The following SLC5A3 variants were observed in gnomAD, a reference collection of about 807,000 sequenced individuals.
SLC5A3 encodes sodium/myo-inositol cotransporter.
In SLC5A3, 10 loss-of-function variants were observed where a neutral mutation model predicts 43.2. That is an observed-to-expected ratio of 0.23 (90% CI 0.14 to 0.39). The LOEUF (loss-of-function observed/expected upper bound fraction) is 0.39. Ranked by LOEUF, SLC5A3 falls within the 10% of genes least tolerant of loss-of-function variation. The pLI is 1.00. For missense variants in SLC5A3, 608 were observed against 893.4 expected (o/e 0.68, Z 4.07); for synonymous variants, 349 against 322.0 (o/e 1.08, Z -0.90).
Position 34,076,141 on chromosome 21 carries a change from C to T in SLC5A3, c.-337+2396C>T, listed in dbSNP as rs16991164. 3.0e-3 allele frequency among the ~76,000 whole-genome samples: 450 copies of T among 152,238 alleles called. 17 individuals are homozygous for T. The East Asian group carries it at 0.073, about 25-fold the overall frequency. Reference sequence around the variant, plus strand: ...ATGCTGTGTTAGGCAACTTTAACAGCGGATATGGAAGTTAAGAAACTATAG... The same window carrying T: ...ATGCTGTGTTAGGCAACTTTAACAGTGGATATGGAAGTTAAGAAACTATAG... On this transcript the variant is annotated intron_variant, in intron 1 of 1. Coordinates refer to ENST00000381151, the MANE Select transcript of SLC5A3 (RefSeq NM_006933.7).
chr21:34,078,348 A>G (rs1989382767), intron 1 of SLC5A3, among the ~76,000 whole-genome samples: 1 of 152,212 alleles, frequency 6.6e-6, no homozygotes. Context: ...CTATTGAAGA[A>G]GGAAGGAGTC....
At position 34,101,089 on chromosome 21, in the gene SLC5A3, T is replaced by A; in HGVS notation, c.*3734T>A. 4 of 1,000,064 alleles carry A rather than the reference T, an allele frequency of 4.0e-6. No individual in the cohort carries two copies. Among genetic ancestry groups the A allele is most frequent in the Non-Finnish European group, 4.8e-6 (4 of 829,888 alleles). 61.9% of individuals were successfully genotyped at this position (1,000,064 alleles called of 1,614,324 possible). On this transcript the variant is annotated 3_prime_UTR_variant, in exon 2 of 2. Transcript: ENST00000381151. ...ACAAGACCTTTCCTGTTAAATTACG[T>A]GACTACAGAGACTTGCCAGGACAAA...
At position 34,100,946 on chromosome 21, in the gene SLC5A3, T is replaced by A; in HGVS notation, c.*3591T>A. Reference sequence around the variant, plus strand: ...TTGGCAGTGTTAAAGCTTACAGGGTTAACTTATGATGATTCTCCTGGCTCA... The same window carrying A: ...TTGGCAGTGTTAAAGCTTACAGGGTAAACTTATGATGATTCTCCTGGCTCA... On this transcript the variant is annotated 3_prime_UTR_variant, in exon 2 of 2. Transcript: ENST00000381151. 1 of 1,000,190 alleles carries A rather than the reference T, an allele frequency of 1.0e-6. No homozygotes were observed. Among genetic ancestry groups the A allele is most frequent in the Non-Finnish European group, 1.2e-6 (1 of 829,960 alleles). The allele number at this position is 1,000,190 out of a possible 1,614,324, so 62.0% of individuals were successfully genotyped here.
chr21:34,096,279 G>A lies in SLC5A3; in HGVS notation c.1081G>A (p.Val361Met), dbSNP rs776452170. 7.4e-6 allele frequency: 12 copies of A among 1,614,160 alleles called. No homozygotes were observed. Among genetic ancestry groups the A allele is most frequent in the Non-Finnish European group, 4.2e-6 (5 of 1,180,020 alleles). Reference sequence around the variant, plus strand: ...ACGCCTGGTGATGAAGCTGGTTCCTGTGGGCCTTCGGGGTTTAATGATGGC... The same window carrying A: ...ACGCCTGGTGATGAAGCTGGTTCCTATGGGCCTTCGGGGTTTAATGATGGC... Reference protein sequence around the residue: ...YPRLVMKLVPVGLRGLMMAVM... With the variant: ...YPRLVMKLVPMGLRGLMMAVM... The change falls in exon 2 of 2, where the codon GTG becomes ATG. Residue 361 changes from valine to methionine, a missense_variant. Physicochemically the swap from Val to Met is conservative, Grantham distance 21 (BLOSUM62 1). Transcript: ENST00000381151. The surrounding 1 kb of genome is among the most constrained non-coding windows in gnomAD (Gnocchi z 5.9).
In SLC5A3 at chr21:34,095,086, G is replaced by A. The variant is rs568295881; in HGVS notation, c.-113G>A. On this transcript the variant is annotated 5_prime_UTR_variant, in exon 2 of 2. Transcript: ENST00000381151. The stretch of plus-strand genomic sequence containing the variant: ...ACAAAGACTTTGACCCTGCTGTGTT[G>A]CTCTGTGTAGTCCAGTTCACGTATG... 7 of 1,387,474 alleles carry A rather than the reference G, an allele frequency of 5.0e-6. No homozygotes were observed. The African/African-American group carries it at 1.0e-4, about 20-fold the overall frequency. The allele number at this position is 1,387,474 out of a possible 1,614,324, so 85.9% of individuals were successfully genotyped here.
Position 34,100,493 on chromosome 21 carries a change from A to G in SLC5A3, c.*3138A>G. 1.0e-6 allele frequency: 1 copy of G among 1,000,228 alleles called. No individual in the cohort carries two copies. Among genetic ancestry groups the G allele is most frequent in the Non-Finnish European group, 1.2e-6 (1 of 829,976 alleles). 62.0% of individuals were successfully genotyped at this position (1,000,228 alleles called of 1,614,324 possible). A position where few individuals can be genotyped will look rare whatever the true frequency, so the allele number is the denominator to read the frequency against. ...GCAATGGTGCTGTGTCCTTCGGCCT[A>G]AATTCAATAGATCTCATCTCCTAGG... On this transcript the variant is annotated 3_prime_UTR_variant, in exon 2 of 2. Transcript: ENST00000381151.
At position 34,106,121 on chromosome 21, in the gene SLC5A3, A is replaced by T. The variant is rs1270052982; in HGVS notation, c.*8766A>T. The T allele has an allele frequency of 1.0e-6, 1 of 997,176 alleles. No homozygotes were observed. Among genetic ancestry groups the T allele is most frequent in the Non-Finnish European group, 1.2e-6 (1 of 827,262 alleles). 61.8% of individuals were successfully genotyped at this position (997,176 alleles called of 1,614,324 possible). On this transcript the variant is annotated 3_prime_UTR_variant, in exon 2 of 2. Transcript: ENST00000381151. ...AGCTGCTGCATTAGCCTTCAAAAGTATTTGGAAACTTAAGATGAACTACAT... is the reference window on the plus strand; with the variant it reads ...AGCTGCTGCATTAGCCTTCAAAAGTTTTTGGAAACTTAAGATGAACTACAT...
At chr21:34,086,610 A>T (rs1031406219) in intron 1 of SLC5A3, among the ~76,000 whole-genome samples, 4 of 152,028 alleles carry the variant, frequency 2.6e-5, no homozygotes, top group African/African-American at 9.7e-5. Context: ...AAGGATGTTC[A>T]TGAACTCCCT....
At chr21:34,085,240 C>T (rs1978326374) in intron 1 of SLC5A3, among the ~76,000 whole-genome samples, 1 of 152,062 alleles carries the variant, frequency 6.6e-6, no homozygotes, top group Non-Finnish European at 1.5e-5. Context: ...TTGCAGAAAC[C>T]CTCACTTTGG....
intron 1 of SLC5A3, among the ~76,000 whole-genome samples, chr21:34,075,547 A>G (rs1280432841): frequency 6.6e-6 from 1 of 152,224 alleles, no homozygotes; most frequent in African/African-American, 2.4e-5. Flanking sequence ...AGGGGGGCAA[A>G]AAAAAGAAAA....
Position 34,106,191 on chromosome 21 carries a change from T to C in SLC5A3, c.*8836T>C. The C allele has an allele frequency of 1.0e-6, 1 of 977,868 alleles. No homozygotes were observed. The highest frequency in any genetic ancestry group is 1.2e-6 in the Non-Finnish European group (1 of 809,672). The allele number at this position is 977,868 out of a possible 1,614,324, so 60.6% of individuals were successfully genotyped here. On this transcript the variant is annotated 3_prime_UTR_variant, in exon 2 of 2. Transcript: ENST00000381151. ...TTTCTGTGGTATTTTGTCCTGTAACTGAAGTATAGTAATTATTTTATGGAA... is the reference window on the plus strand; with the variant it reads ...TTTCTGTGGTATTTTGTCCTGTAACCGAAGTATAGTAATTATTTTATGGAA...
intron 1 of SLC5A3, among the ~76,000 whole-genome samples, chr21:34,083,572 A>G (rs764686264): frequency 6.6e-6 from 1 of 152,208 alleles, no homozygotes; most frequent in Non-Finnish European, 1.5e-5. Context: ...TGACCCAGTC[A>G]TGGGTTGTTT....
intron 1 of SLC5A3, among the ~76,000 whole-genome samples, chr21:34,090,037 C>G (rs1569415091): frequency 6.6e-6 from 1 of 152,104 alleles, no homozygotes; most frequent in Non-Finnish European, 1.5e-5. Context: ...CCAAAATGCT[C>G]CAGTGAGCAT....
chr21:34,090,901 A>G (rs1978651000), intron 1 of SLC5A3, among the ~76,000 whole-genome samples: 1 of 152,160 alleles, frequency 6.6e-6, no homozygotes, highest in Admixed American at 6.5e-5. Flanking sequence ...TAGATGTGGT[A>G]CCTACACCCA....
chr21:34,105,188 C>T lies in SLC5A3; in HGVS notation c.*7833C>T. ...GTTACTGCTTCAGTTTATAGATTGCCAGCAGAGTTCAGAAATAGAGCAGGG... is the reference window on the plus strand; with the variant it reads ...GTTACTGCTTCAGTTTATAGATTGCTAGCAGAGTTCAGAAATAGAGCAGGG... On this transcript the variant is annotated 3_prime_UTR_variant, in exon 2 of 2. Coordinates refer to ENST00000381151, the MANE Select transcript of SLC5A3 (RefSeq NM_006933.7). The T allele has an allele frequency of 1.0e-6, 1 of 1,000,186 alleles. No homozygotes were observed. Among genetic ancestry groups the T allele is most frequent in the Non-Finnish European group, 1.2e-6 (1 of 829,942 alleles). The allele number at this position is 1,000,186 out of a possible 1,614,324, so 62.0% of individuals were successfully genotyped here. A position where few individuals can be genotyped will look rare whatever the true frequency, so the allele number is the denominator to read the frequency against.
intron 1 of SLC5A3, among the ~76,000 whole-genome samples, chr21:34,087,039 G>A (rs1053025299): frequency 6.6e-6 from 1 of 152,336 alleles, no homozygotes; most frequent in East Asian, 1.9e-4. Flanking sequence ...AACACGTTCC[G>A]CAGTGGAGTT....
In SLC5A3 at chr21:34,102,724, G is replaced by A. The variant is rs1321787894; in HGVS notation, c.*5369G>A. 1 of 1,000,012 alleles carries A rather than the reference G, an allele frequency of 1.0e-6. No homozygotes were observed. The highest frequency in any genetic ancestry group is 1.1e-4 in the East Asian group (1 of 8,824). The allele number at this position is 1,000,012 out of a possible 1,614,324, so 61.9% of individuals were successfully genotyped here. A position where few individuals can be genotyped will look rare whatever the true frequency, so the allele number is the denominator to read the frequency against. ...AGCGAGCAAATCAAGACAAAACACA[G>A]TGGTCTCAGATTTTTCGTAGTGTGG... On this transcript the variant is annotated 3_prime_UTR_variant, in exon 2 of 2. Coordinates refer to ENST00000381151, the MANE Select transcript of SLC5A3 (RefSeq NM_006933.7).
At chr21:34,082,427 C>A (rs942403125) in intron 1 of SLC5A3, among the ~76,000 whole-genome samples, 26 of 152,070 alleles carry the variant, frequency 1.7e-4, no homozygotes, top group Admixed American at 1.6e-3. Flanking sequence ...TGAGTGATAT[C>A]TTGTTTTAGG....
At position 34,073,652 on chromosome 21, in the gene SLC5A3, G is replaced by C. The variant is rs903791161; in HGVS notation, c.-430G>C. ...TGTCCCCGCCGTCCCGCCCCTTCGC[G>C]TCCCGGGAACCGGCTGGCTTCCGAG... is the stretch of plus-strand genomic sequence containing the variant. On this transcript the variant is annotated 5_prime_UTR_variant, in exon 1 of 2. Transcript: ENST00000381151. 2.0e-6 allele frequency: 3 copies of C among 1,499,412 alleles called. No homozygotes were observed. The highest frequency in any genetic ancestry group is 2.7e-6 in the Non-Finnish European group (3 of 1,111,350). 92.9% of individuals were successfully genotyped at this position (1,499,412 alleles called of 1,614,324 possible).
Sources: allele counts gnomAD v4.1 joint callset (sites outside exome capture counted in the v4.1 genomes callset), GRCh38; gene constraint gnomAD v4.1.1; non-coding constraint Gnocchi (gnomAD v3.1); transcripts MANE v1.5; gene names NCBI Gene and HGNC (gene_info 2026-07-23, HGNC 2026-07-21).